ANK3: variants seen among roughly 807,000 people sequenced by gnomAD.
ANK3 encodes ankyrin-3.
Under a neutral mutation model 370.9 loss-of-function variants are expected in ANK3, and 57 were observed. The ratio of observed to expected loss-of-function variants is 0.15; its 90% CI spans 0.12 to 0.19. The LOEUF is 0.19. Ranked by LOEUF, ANK3 falls within the 10% of genes least tolerant of loss-of-function variation. The pLI is 1.00. For synonymous variants in ANK3, 1,929 were observed against 1,946.3 expected (o/e 0.99, Z 0.23); for missense variants, 4,439 against 5,302.1 (o/e 0.84, Z 5.06).
intron 1 of ANK3, among the ~76,000 whole-genome samples, chr10:60,370,705 C>T (rs1401147313): frequency 6.6e-6 from 1 of 152,122 alleles, no homozygotes; most frequent in Non-Finnish European, 1.5e-5. Flanking sequence ...AAATCAGTGG[C>T]TTCAACACTT....
chr10:60,707,903 C>T (rs905906195), intron 1 of ANK3, among the ~76,000 whole-genome samples: 5 of 151,598 alleles, frequency 3.3e-5, no homozygotes, highest in Non-Finnish European at 7.4e-5. Flanking sequence ...ATTTATTCAA[C>T]AAAAAGGAAA....
At chr10:60,310,495 A>G (rs1259454099) in intron 1 of ANK3, among the ~76,000 whole-genome samples, 1 of 152,232 alleles carries the variant, frequency 6.6e-6, no homozygotes, top group East Asian at 1.9e-4. Context: ...TCTTTGGACA[A>G]AATTATGCAT....
At chr10:60,052,692 GTTAAATTTCTAAATT>G (rs1341680571) in intron 42 of ANK3, among the ~76,000 whole-genome samples, 1 of 152,066 alleles carries the variant, frequency 6.6e-6, no homozygotes, top group Non-Finnish European at 1.5e-5. Context: ...TTACTGAGTG[GTTAAATTTCTAAATT>G]TTAATGGTGG....
chr10:60,283,460 C>T (rs191623735), intron 1 of ANK3, among the ~76,000 whole-genome samples: 52 of 152,184 alleles, frequency 3.4e-4, no homozygotes, highest in African/African-American at 1.3e-3. Context: ...CTGGGTGCAG[C>T]CACATGGAAA....
intron 13 of ANK3, among the ~76,000 whole-genome samples, chr10:60,199,729 G>A (rs186461466): frequency 5.2e-3 from 782 of 151,770 alleles, no homozygotes; most frequent in Middle Eastern, 0.045. Flanking sequence ...TTCCTTTTGT[G>A]GCTGTTGACA....
chr10:60,358,121 A>AAC (rs1475380247), intron 1 of ANK3, among the ~76,000 whole-genome samples: 3 of 12,508 alleles, frequency 2.4e-4, no homozygotes, highest in African/African-American at 7.0e-4. Context: ...CACACACACA[A>AAC]ACACACACAC....
In ANK3 at chr10:60,195,487, T is replaced by C. The variant is rs560068717; in HGVS notation, c.1887+658A>G. On this transcript the variant is annotated intron_variant, in intron 16 of 43. Coordinates refer to ENST00000280772, the MANE Select transcript of ANK3 (RefSeq NM_020987.5). Reference sequence around the variant, plus strand: ...ATAACTGAACAACACTGAAATGGTTTGCATCATTTCAGTGTTCTCTGATCA... The same window carrying C: ...ATAACTGAACAACACTGAAATGGTTCGCATCATTTCAGTGTTCTCTGATCA... 2.6e-5 allele frequency among the ~76,000 whole-genome samples: 4 copies of C among 152,228 alleles called. No homozygotes were observed. In the East Asian group the frequency reaches 7.7e-4, roughly 29 times the overall value.
chr10:60,636,192 A>G (rs2078552384), intron 1 of ANK3, among the ~76,000 whole-genome samples: 1 of 152,208 alleles, frequency 6.6e-6, no homozygotes, highest in Non-Finnish European at 1.5e-5. Context: ...ACACAAATTT[A>G]ATTTCTATAT....
At chr10:60,186,410 A>C (rs1264002753) in intron 17 of ANK3, among the ~76,000 whole-genome samples, 1 of 151,048 alleles carries the variant, frequency 6.6e-6, no homozygotes, top group African/African-American at 2.4e-5. Flanking sequence ...GAGTATAAAG[A>C]AGCAATCAGA....
At position 60,037,270 on chromosome 10, in the gene ANK3, A is replaced by G. The variant is rs80077122; in HGVS notation, c.*19+5402T>C. On this transcript the variant is annotated intron_variant, in intron 43 of 43. Transcript: ENST00000280772. ...CTCTTGTGTTTTTTTTAAAGAGGGA[A>G]AAAAGACCAAGTTAGGTCCTTGCTT... 4.6e-5 allele frequency among the ~76,000 whole-genome samples: 7 copies of G among 152,264 alleles called. No individual in the cohort carries two copies. The East Asian group carries it at 1.4e-3, about 29-fold the overall frequency.
intron 1 of ANK3, among the ~76,000 whole-genome samples, chr10:60,305,694 C>T (rs1373061791): frequency 6.6e-6 from 1 of 152,160 alleles, no homozygotes; most frequent in Non-Finnish European, 1.5e-5. Context: ...AATAAGAAGA[C>T]TAATAATTCC....
chr10:60,168,245 C>G (rs183252367), intron 21 of ANK3, among the ~76,000 whole-genome samples: 4 of 152,154 alleles, frequency 2.6e-5, no homozygotes, highest in African/African-American at 4.8e-5. Context: ...AGGCTGGCCT[C>G]GAACTCCCAA....
rs533053902 is a variant in ANK3, at chr10:60,139,513, G to T, written c.2615-426C>A. 3.9e-4 allele frequency: 61 copies of T among 157,886 alleles called. No homozygotes were observed. The South Asian group carries it at 8.0e-3, about 21-fold the overall frequency. The allele number at this position is 157,886 out of a possible 1,614,324, so 9.8% of individuals were successfully genotyped here. On this transcript the variant is annotated intron_variant, in intron 23 of 43. Transcript: ENST00000280772. ...CTGTTCTTGAAATTATATGTGGGAAGGAAACAGACATTTAAAAAAAAAACT... is the reference window on the plus strand; with the variant it reads ...CTGTTCTTGAAATTATATGTGGGAATGAAACAGACATTTAAAAAAAAAACT...
chr10:60,043,762 G>A, intron 42 of ANK3: 1 of 985,422 alleles, frequency 1.0e-6, no homozygotes, highest in Non-Finnish European at 1.2e-6. Flanking sequence ...TGGGGCTGAA[G>A]CACTGCTCTG....
rs778232100 is a variant in ANK3 at position 60,076,025 on chromosome 10, G to A, written c.4856C>T (p.Thr1619Met). ...CACTGGAGAGGTTCGAGAGGAAAACGTAGAATTGGATGCCAGCCCTTTTAA... is the reference window on the plus strand; with the variant it reads ...CACTGGAGAGGTTCGAGAGGAAAACATAGAATTGGATGCCAGCCCTTTTAA... The part of the protein sequence containing the change: ...TPLKGLASNS[T>M]FSSRTSPVTT... Residue 1619 changes from threonine to methionine, a missense_variant, in exon 37 of 44, where the codon ACG becomes ATG. This residue lies in a region of ANK3 where 679 missense variants were observed against 791.0 expected (regional missense o/e 0.86). Coordinates refer to ENST00000280772, the MANE Select transcript of ANK3 (RefSeq NM_020987.5). The A allele has an allele frequency of 9.3e-6, 15 of 1,614,118 alleles. No homozygotes were observed. Among genetic ancestry groups the A allele is most frequent in the Admixed American group, 6.7e-5 (4 of 60,004 alleles).
chr10:60,591,184 C>A (rs933651806), intron 2 of ANK3, among the ~76,000 whole-genome samples: 1 of 152,144 alleles, frequency 6.6e-6, no homozygotes, highest in African/African-American at 2.4e-5. Flanking sequence ...ATGACCTTGG[C>A]TGTATTATTT....
At chr10:60,062,268 A>G (rs1352935574) in intron 40 of ANK3, 1 of 152,264 alleles carries the variant, frequency 6.6e-6, no homozygotes, top group Non-Finnish European at 1.5e-5. Context: ...ACTTCGTCTC[A>G]AAAACAGAAC....
At chr10:60,225,899 T>C (rs1362721594) in intron 8 of ANK3, among the ~76,000 whole-genome samples, 1 of 151,254 alleles carries the variant, frequency 6.6e-6, no homozygotes, top group Non-Finnish European at 1.5e-5. Context: ...CTTCTGATTT[T>C]TTTAGTTAAT....
intron 1 of ANK3, among the ~76,000 whole-genome samples, chr10:60,690,545 A>G (rs2079337241): frequency 6.6e-6 from 1 of 152,096 alleles, no homozygotes; most frequent in Non-Finnish European, 1.5e-5. Flanking sequence ...AATACTTAAT[A>G]CTTTAATACT....
Sources: gnomAD v4.1 joint callset for allele counts (sites outside exome capture counted in the v4.1 genomes callset) on GRCh38, gnomAD v4.1.1 for gene constraint, gnomAD v4.1.1 regional missense constraint, MANE v1.5 for transcripts, NCBI Gene and HGNC (gene_info 2026-07-23, HGNC 2026-07-21) for gene names.